TESK2: variants seen among roughly 807,000 people sequenced by gnomAD.
The protein encoded by TESK2 is testis associated actin remodelling kinase 2, also known as dual specificity testis-specific protein kinase 2.
A neutral mutation model predicts 57.1 loss-of-function variants in TESK2; 39 were observed. The ratio of observed to expected loss-of-function variants is 0.68; its 90% confidence interval spans 0.53 to 0.89. TESK2 has a LOEUF of 0.89. Ranked by LOEUF, TESK2 falls within the 40% of genes least tolerant of loss-of-function variation. The pLI is 0.00. For missense variants in TESK2, 646 were observed against 732.1 expected, an observed-to-expected ratio of 0.88 and a Z score of 1.36; for synonymous variants, 249 against 267.9, an observed-to-expected ratio of 0.93 and a Z score of 0.69.
rs72892508 is a variant in TESK2, at chr1:45,381,260, G to A, written c.393+4652C>T. Reference sequence around the variant, plus strand: ...CTGACTGGGATATTTACAGGGCATGGTTGATTGTCAAAGGTTCCAATTCTT... The same window carrying A: ...CTGACTGGGATATTTACAGGGCATGATTGATTGTCAAAGGTTCCAATTCTT... On this transcript the variant is annotated intron_variant, in intron 4 of 10. Coordinates refer to ENST00000372086, the MANE Select transcript of TESK2 (RefSeq NM_007170.3). 5.2e-3 allele frequency among the ~76,000 whole-genome samples: 791 copies of A among 152,248 alleles called. 8 individuals carry two copies. The highest frequency in any genetic ancestry group is 0.018 in the African/African-American group (749 of 41,542).
intron 3 of TESK2, among the ~76,000 whole-genome samples, chr1:45,421,412 A>G (rs1345546364): frequency 1.3e-5 from 2 of 152,232 alleles, no homozygotes; most frequent in South Asian, 2.1e-4. Flanking sequence ...ATAACCACAT[A>G]AAGACCAATC....
chr1:45,399,012 C>G (rs925943302), intron 3 of TESK2: 2 of 404,902 alleles, frequency 4.9e-6, no homozygotes. Flanking sequence ...AAAAAACAAG[C>G]CTTTAAGCCA....
At chr1:45,453,913 AAAGATGCTC>A (rs2149298610) in intron 2 of TESK2, among the ~76,000 whole-genome samples, 1 of 152,330 alleles carries the variant, frequency 6.6e-6, no homozygotes, top group East Asian at 1.9e-4. Context: ...AAGTACATGA[AAAGATGCTC>A]AATATCACTA....
chr1:45,392,820 G>A (rs1398427770), intron 3 of TESK2, among the ~76,000 whole-genome samples: 1 of 152,216 alleles, frequency 6.6e-6, no homozygotes, highest in African/African-American at 2.4e-5. Flanking sequence ...TAGGATTACA[G>A]GCATGAGCCA....
At chr1:45,452,225 C>T (rs1209310385) in intron 2 of TESK2, among the ~76,000 whole-genome samples, 2 of 152,138 alleles carry the variant, frequency 1.3e-5, no homozygotes, top group African/African-American at 2.4e-5. Flanking sequence ...ATATTCACCA[C>T]ATCTTCCTAG....
intron 4 of TESK2, among the ~76,000 whole-genome samples, chr1:45,375,411 A>T (rs1648360665): frequency 7.0e-6 from 1 of 143,336 alleles, no homozygotes; most frequent in Non-Finnish European, 1.5e-5. Flanking sequence ...CCACACAGCT[A>T]GTTCCTTCAC....
In TESK2 at chr1:45,439,376, C is replaced by T. The variant is rs192474489; in HGVS notation, c.223-17530G>A. On this transcript the variant is annotated intron_variant, in intron 2 of 10. Coordinates refer to ENST00000372086, the MANE Select transcript of TESK2 (RefSeq NM_007170.3). ...TATGAAATGAAAGTGTAACTACTTA[C>T]AAGATTGTTATAGATACTATGCAAT... is the stretch of plus-strand genomic sequence containing the variant. Among the ~76,000 whole-genome samples, 6 of 152,238 alleles carry T rather than the reference C, an allele frequency of 3.9e-5. No homozygotes were observed. The East Asian group carries it at 1.2e-3, about 29-fold the overall frequency.
At chr1:45,424,070 G>T (rs61791373) in intron 2 of TESK2, among the ~76,000 whole-genome samples, 20 of 152,218 alleles carry the variant, frequency 1.3e-4, no homozygotes, top group South Asian at 1.2e-3. Flanking sequence ...GCACAACAGG[G>T]ACTTTACTAT....
At position 45,379,895 on chromosome 1, in the gene TESK2, A is replaced by T. The variant is rs12568844; in HGVS notation, c.393+6017T>A. On this transcript the variant is annotated intron_variant, in intron 4 of 10. Coordinates refer to ENST00000372086, the MANE Select transcript of TESK2 (RefSeq NM_007170.3). ...AAATAAGAATAGTTTATTTTTTTTT[A>T]AATTTTTTTTTTAGGCAGAGTCTCG... 4.2e-3 allele frequency among the ~76,000 whole-genome samples: 642 copies of T among 151,870 alleles called. 17 individuals carry two copies. In the East Asian group the frequency reaches 0.093, roughly 22 times the overall value.
At chr1:45,442,334 A>G (rs999006176) in intron 2 of TESK2, among the ~76,000 whole-genome samples, 1 of 151,342 alleles carries the variant, frequency 6.6e-6, no homozygotes, top group Non-Finnish European at 1.5e-5. Context: ...TTGCTGTGGG[A>G]TGGGATTCCA....
chr1:45,371,137 C>G (rs1338161663), intron 4 of TESK2, among the ~76,000 whole-genome samples: 1 of 151,008 alleles, frequency 6.6e-6, no homozygotes, highest in Non-Finnish European at 1.5e-5. Flanking sequence ...AAACTGGAAC[C>G]CTTATGCACC....
chr1:45,410,574 C>G (rs925213258), intron 3 of TESK2, among the ~76,000 whole-genome samples: 2 of 151,484 alleles, frequency 1.3e-5, no homozygotes, highest in Non-Finnish European at 2.9e-5. Context: ...CATTGCACCC[C>G]AGCTTGGGCA....
chr1:45,356,285 TACCCA>T (rs1647418465), intron 4 of TESK2, among the ~76,000 whole-genome samples: 1 of 151,964 alleles, frequency 6.6e-6, no homozygotes, highest in African/African-American at 2.4e-5. Context: ...CATTTTTAAA[TACCCA>T]GAGAGCAAGG....
intron 1 of TESK2, among the ~76,000 whole-genome samples, chr1:45,463,196 T>C (rs937461823): frequency 2.0e-5 from 3 of 152,250 alleles, no homozygotes; most frequent in African/African-American, 7.2e-5. Context: ...CTCTTCACTT[T>C]GTTGACTGCT....
rs185666792 is a variant in TESK2, at chr1:45,404,732, G to A, written c.344+16993C>T. 6.6e-5 allele frequency among the ~76,000 whole-genome samples: 10 copies of A among 151,852 alleles called. No homozygotes were observed. The South Asian group carries it at 1.9e-3, about 28-fold the overall frequency. On this transcript the variant is annotated intron_variant, in intron 3 of 10. Coordinates refer to ENST00000372086, the MANE Select transcript of TESK2 (RefSeq NM_007170.3). ...CTATTTTTGTATTTTTATTAGAGAC[G>A]GGGTTTCACTATGTTGGCCAGGTTA...
intron 3 of TESK2, among the ~76,000 whole-genome samples, chr1:45,407,436 A>G (rs1208520622): frequency 6.6e-6 from 1 of 152,096 alleles, no homozygotes; most frequent in East Asian, 1.9e-4. Context: ...TATTTCTTCT[A>G]TAATTGTTTG....
intron 2 of TESK2, among the ~76,000 whole-genome samples, chr1:45,447,442 C>T (rs1314694157): frequency 1.3e-5 from 2 of 151,948 alleles, no homozygotes; most frequent in Non-Finnish European, 2.9e-5. Flanking sequence ...ATATCACTGT[C>T]ACCCATCTCC....
chr1:45,359,647 T>A (rs969290716), intron 4 of TESK2, among the ~76,000 whole-genome samples: 4 of 151,962 alleles, frequency 2.6e-5, no homozygotes, highest in Non-Finnish European at 4.4e-5. Context: ...GTGGATCCCC[T>A]GAGGCTAGGA....
chr1:45,347,929 GATCTTCTCA>G lies in TESK2; in HGVS notation c.603_611del (p.Glu202_Ile204del). 1 of 1,612,666 alleles carries G rather than the reference GATCTTCTCA, an allele frequency of 6.2e-7. No homozygotes were observed. Among genetic ancestry groups the G allele is most frequent in the Non-Finnish European group, 8.5e-7 (1 of 1,178,656 alleles). On this transcript the variant is annotated inframe_deletion, in exon 6 of 11. Coordinates refer to ENST00000372086, the MANE Select transcript of TESK2 (RefSeq NM_007170.3). ...GTAGGGCTACACACCTGACATCGGG[GATCTTCTCA>G]GCCAGGCCAAAGTCAGCTACCACTG...
Sources: gnomAD v4.1 joint callset for allele counts (sites outside exome capture counted in the v4.1 genomes callset) on GRCh38, gnomAD v4.1.1 for gene constraint, MANE v1.5 for transcripts, NCBI Gene and HGNC (gene_info 2026-07-23, HGNC 2026-07-21) for gene names.